RNF115: variants seen among roughly 807,000 people sequenced by gnomAD.
RNF115 encodes ring finger protein 115, also known as E3 ubiquitin-protein ligase RNF115.
A neutral mutation model predicts 39.2 loss-of-function variants in RNF115; 31 were observed. The observed-to-expected ratio is 0.79, with a 90% confidence interval of 0.59 to 1.07. The LOEUF (loss-of-function observed/expected upper bound fraction) is 1.07. Among genes scored for constraint, RNF115 ranks in the 50% least tolerant of loss-of-function variants. The pLI is 0.00. For synonymous variants in RNF115, 124 were observed against 131.0 expected, an observed-to-expected ratio of 0.95 and a Z score of 0.37; for missense variants, 384 against 381.7, an observed-to-expected ratio of 1.01 and a Z score of -0.05.
At chr1:145,800,732 G>A (rs587605240) in intron 1 of RNF115, among the ~76,000 whole-genome samples, 16 of 152,276 alleles carry the variant, frequency 1.1e-4, no homozygotes, top group African/African-American at 3.9e-4. Context: ...CCACATGAAA[G>A]ACCTTAAGGG....
chr1:145,779,249 AC>A (rs1648015549), intron 3 of RNF115, among the ~76,000 whole-genome samples: 1 of 151,260 alleles, frequency 6.6e-6, no homozygotes, highest in Non-Finnish European at 1.5e-5. Context: ...AGCTCAGCTC[AC>A]TGCAACCTCT....
chr1:145,754,797 T>C (rs1447762103), intron 4 of RNF115, among the ~76,000 whole-genome samples: 1 of 152,246 alleles, frequency 6.6e-6, no homozygotes, highest in East Asian at 1.9e-4. Context: ...ATTCATTGTG[T>C]TTTCTTTTTT....
intron 7 of RNF115, among the ~76,000 whole-genome samples, chr1:145,749,410 C>A (rs587772185): frequency 2.0e-5 from 3 of 152,092 alleles, no homozygotes; most frequent in African/African-American, 4.8e-5. Context: ...TCAGCTGGCA[C>A]CTCAAAAATC....
intron 1 of RNF115, among the ~76,000 whole-genome samples, chr1:145,805,420 A>T (rs1471371252): frequency 3.3e-5 from 5 of 151,940 alleles, no homozygotes; most frequent in Non-Finnish European, 7.4e-5. Context: ...ATCCAGGCCA[A>T]GTTTACCTGT....
At chr1:145,793,936 T>G (rs1553719376) in intron 1 of RNF115, among the ~76,000 whole-genome samples, 1 of 151,022 alleles carries the variant, frequency 6.6e-6, no homozygotes, top group Non-Finnish European at 1.5e-5. Flanking sequence ...CTCTGCCTCC[T>G]GGGTTCAAGC....
At chr1:145,808,891 AG>A (rs1553722025) in intron 1 of RNF115, among the ~76,000 whole-genome samples, 1 of 152,210 alleles carries the variant, frequency 6.6e-6, no homozygotes, top group African/African-American at 2.4e-5. Flanking sequence ...ACCTCACAGT[AG>A]TACCTAAATT....
chr1:145,773,016 T>C (rs1036735292), intron 3 of RNF115: 15 of 152,250 alleles, frequency 9.9e-5, no homozygotes, highest in Admixed American at 1.3e-4. Flanking sequence ...ATTTCAATTA[T>C]TGTAACCTTC....
intron 1 of RNF115, among the ~76,000 whole-genome samples, chr1:145,802,729 A>G (rs782638804): frequency 6.6e-6 from 1 of 152,210 alleles, no homozygotes; most frequent in Admixed American, 6.5e-5. Flanking sequence ...ATTTTAAGTT[A>G]GTCACATTCT....
chr1:145,769,473 A>T (rs587646895), intron 4 of RNF115, among the ~76,000 whole-genome samples: 2 of 152,318 alleles, frequency 1.3e-5, no homozygotes, highest in East Asian at 1.9e-4. Context: ...ACTGCACTAG[A>T]AGCTGAGAAT....
chr1:145,764,448 C>T (rs1553714388), intron 4 of RNF115, among the ~76,000 whole-genome samples: 2 of 151,852 alleles, frequency 1.3e-5, no homozygotes, highest in East Asian at 1.9e-4. Context: ...TCGGCCCCAC[C>T]GCCCTGTCTG....
At position 145,747,014 on chromosome 1, in the gene RNF115, TTAGTCTATGTGAAG is replaced by T; in HGVS notation, c.784-31_784-18del. 6.2e-7 allele frequency: 1 copy of T among 1,605,842 alleles called. No homozygotes were observed. The highest frequency in any genetic ancestry group is 8.5e-7 in the Non-Finnish European group (1 of 1,174,222). On this transcript the variant is annotated intron_variant, in intron 8 of 8. Transcript: ENST00000582693. The stretch of plus-strand genomic sequence containing the variant: ...TGTGTCATGCTGAAACAGAAAAATA[TTAGTCTATGTGAAG>T]ATCCTGGCCTGAGAAGCTGGGAGTA...
chr1:145,776,012 A>G (rs1647866360), intron 3 of RNF115, among the ~76,000 whole-genome samples: 1 of 151,580 alleles, frequency 6.6e-6, no homozygotes, highest in Non-Finnish European at 1.5e-5. Context: ...AAATAAAAAT[A>G]AAAATAAAAA....
intron 3 of RNF115, among the ~76,000 whole-genome samples, chr1:145,777,037 G>A (rs371337986): frequency 7.9e-5 from 12 of 152,140 alleles, no homozygotes; most frequent in East Asian, 1.9e-4. Context: ...AAGTAAACAC[G>A]ACATTTAAAA....
At chr1:145,753,144 C>A (rs1553712754) in intron 4 of RNF115, 95 bp from the exon 5 acceptor site, 1 of 792,182 alleles carries the variant, frequency 1.3e-6, no homozygotes, top group Non-Finnish European at 2.1e-6. Context: ...ATTCCCTAAA[C>A]CAAAATGGCT....
intron 1 of RNF115, among the ~76,000 whole-genome samples, chr1:145,812,296 T>A (rs1318508633): frequency 1.3e-5 from 2 of 150,368 alleles, no homozygotes; most frequent in South Asian, 4.2e-4. Context: ...AGAAGTTTCC[T>A]GTGACACTTG....
At chr1:145,810,996 G>A (rs1360381801) in intron 1 of RNF115, among the ~76,000 whole-genome samples, 2 of 147,314 alleles carry the variant, frequency 1.4e-5, no homozygotes, top group African/African-American at 5.1e-5. Flanking sequence ...CTCCCAGGTA[G>A]CTGGGACTTC....
intron 4 of RNF115, among the ~76,000 whole-genome samples, chr1:145,767,839 G>A (rs1461853176): frequency 6.6e-6 from 1 of 152,222 alleles, no homozygotes; most frequent in Non-Finnish European, 1.5e-5. Flanking sequence ...CAGGCGTGGC[G>A]GCGCGCGCCC....
Position 145,742,035 on chromosome 1 carries a change from G to A in RNF115, c.*4831C>T, listed in dbSNP as rs1553711052. 1 of 152,252 alleles carries A rather than the reference G, an allele frequency of 6.6e-6. No homozygotes were observed. The highest frequency in any genetic ancestry group is 2.4e-5 in the African/African-American group (1 of 41,432). 9.4% of individuals were successfully genotyped at this position (152,252 alleles called of 1,614,324 possible). ...GAGGCAAGAGAATCGCTTGAACCCAGGAGCGGGAGGTTGCAGTGACCTGAG... is the reference window on the plus strand; with the variant it reads ...GAGGCAAGAGAATCGCTTGAACCCAAGAGCGGGAGGTTGCAGTGACCTGAG... On this transcript the variant is annotated 3_prime_UTR_variant, in exon 9 of 9. Coordinates refer to ENST00000582693, the MANE Select transcript of RNF115 (RefSeq NM_014455.4).
intron 4 of RNF115, among the ~76,000 whole-genome samples, chr1:145,761,218 A>ATTTTTT (rs1658489788): frequency 6.6e-6 from 1 of 152,226 alleles, no homozygotes; most frequent in African/African-American, 2.4e-5. Context: ...AGAAAAACCC[A>ATTTTTT]TTTTTTGAGG....
Sources: allele counts gnomAD v4.1 joint callset (sites outside exome capture counted in the v4.1 genomes callset), GRCh38; gene constraint gnomAD v4.1.1; transcripts MANE v1.5; gene names NCBI Gene and HGNC (gene_info 2026-07-23, HGNC 2026-07-21).